STAU1: variants seen among roughly 807,000 people sequenced by gnomAD.
The protein encoded by STAU1 is double-stranded RNA-binding protein Staufen homolog 1.
A neutral mutation model predicts 62.9 loss-of-function variants in STAU1; 13 were observed. The ratio of observed to expected loss-of-function variants is 0.21; its 90% CI spans 0.13 to 0.33. The LOEUF is 0.33. Among genes scored for constraint, STAU1 ranks in the 10% least tolerant of loss-of-function variants. STAU1 has a pLI of 1.00. For missense variants in STAU1, 571 were observed against 712.1 expected, an observed-to-expected ratio of 0.80 and a Z score of 2.25; for synonymous variants, 269 against 265.1, an observed-to-expected ratio of 1.01 and a Z score of -0.14.
the STAU1 span, among the ~76,000 whole-genome samples, chr20:49,204,646 A>ATTT: frequency 3.1e-4 from 10 of 32,166 alleles, no homozygotes; most frequent in Non-Finnish European, 4.1e-4. Flanking sequence ...ATATATATAT[A>ATTT]TTTTTTTTTT....
chr20:49,118,554 C>A, intron 9 of STAU1, 146 bp from the exon 10 acceptor site: 1 of 647,638 alleles, frequency 1.5e-6, no homozygotes, highest in Non-Finnish European at 2.7e-6. Context: ...TGACCACTGG[C>A]ACCCTGACAG....
At chr20:49,161,794 GC>G (rs1362860177) in intron 3 of STAU1, among the ~76,000 whole-genome samples, 1 of 152,190 alleles carries the variant, frequency 6.6e-6, no homozygotes, top group East Asian at 1.9e-4. Flanking sequence ...ACAAATGTAG[GC>G]AGCCATGATA....
chr20:49,165,877 G>T, intron 3 of STAU1, 120 bp downstream of exon 3: 2 of 970,848 alleles, frequency 2.1e-6, no homozygotes, highest in Non-Finnish European at 3.2e-6. Flanking sequence ...TGTGGGTGGT[G>T]ATACTTTCTT....
chr20:49,131,189 A>C (rs1018681705), intron 6 of STAU1, among the ~76,000 whole-genome samples: 1 of 152,254 alleles, frequency 6.6e-6, no homozygotes, highest in Admixed American at 6.5e-5. Flanking sequence ...CAATGTCATG[A>C]AACACAGAGA....
At chr20:49,195,564 T>C in the STAU1 span, among the ~76,000 whole-genome samples, 1 of 56,264 alleles carries the variant, frequency 1.8e-5, no homozygotes, top group Non-Finnish European at 3.4e-5. Flanking sequence ...AAAAAAAAGA[T>C]AGCAACAGAC....
At chr20:49,128,236 G>C (rs2145937782) in intron 6 of STAU1, among the ~76,000 whole-genome samples, 1 of 152,240 alleles carries the variant, frequency 6.6e-6, no homozygotes, top group East Asian at 1.9e-4. Context: ...TGAGACAGCA[G>C]GATCACTTGA....
chr20:49,167,406 A>C (rs971092074), intron 2 of STAU1, among the ~76,000 whole-genome samples: 1 of 152,226 alleles, frequency 6.6e-6, no homozygotes, highest in Non-Finnish European at 1.5e-5. Context: ...GACCAGAGCA[A>C]TTAAGCTACT....
At chr20:49,208,630 T>G in the STAU1 span, among the ~76,000 whole-genome samples, 1 of 151,726 alleles carries the variant, frequency 6.6e-6, no homozygotes, top group South Asian at 2.1e-4. Context: ...GTCTTTTTTT[T>G]TTTTTTTGAG....
the STAU1 span, among the ~76,000 whole-genome samples, chr20:49,215,140 A>C: frequency 6.6e-6 from 1 of 152,178 alleles, no homozygotes; most frequent in African/African-American, 2.4e-5. Context: ...TGAGAGTGAC[A>C]GCCACTCCAT....
chr20:49,180,327 T>C (rs982879482), intron 1 of STAU1, among the ~76,000 whole-genome samples: 24 of 99,082 alleles, frequency 2.4e-4, no homozygotes, highest in African/African-American at 1.3e-3. Flanking sequence ...TTCTTTTTTT[T>C]TTTTTCCCCC....
chr20:49,126,588 C>CAAAAAAAAAAAAA, intron 6 of STAU1, among the ~76,000 whole-genome samples: 6 of 56,366 alleles, frequency 1.1e-4, no homozygotes, highest in Admixed American at 1.8e-4. Context: ...AAAAAAAAAA[C>CAAAAAAAAAAAAA]AAAAAAAAAA....
chr20:49,163,882 A>G (rs1426915693), intron 3 of STAU1, among the ~76,000 whole-genome samples: 2 of 152,006 alleles, frequency 1.3e-5, no homozygotes, highest in African/African-American at 4.8e-5. Flanking sequence ...CTCCTGCCTC[A>G]GCCTCCCAAG....
At chr20:49,176,191 T>C (rs142721483) in intron 1 of STAU1, among the ~76,000 whole-genome samples, 8 of 152,234 alleles carry the variant, frequency 5.3e-5, no homozygotes, top group Admixed American at 3.3e-4. Flanking sequence ...CCTACCACTT[T>C]ATTCGTAAAT....
At chr20:49,200,426 G>A in the STAU1 span, among the ~76,000 whole-genome samples, 79 of 152,022 alleles carry the variant, frequency 5.2e-4, 1 homozygote, top group Non-Finnish European at 3.2e-4. Context: ...GTGAAACACC[G>A]TCTCTACTAA....
At chr20:49,118,509 A>G in intron 9 of STAU1, 101 bp from the exon 10 acceptor site, 1 of 928,368 alleles carries the variant, frequency 1.1e-6, no homozygotes, top group Non-Finnish European at 1.6e-6. Context: ...AGTCAGCAAT[A>G]ACTGTGGCAA....
chr20:49,160,549 A>T (rs924146042), intron 3 of STAU1, among the ~76,000 whole-genome samples: 4 of 152,256 alleles, frequency 2.6e-5, no homozygotes, highest in African/African-American at 7.2e-5. Flanking sequence ...ATTAAGTTCC[A>T]GAATGTGCTG....
chr20:49,143,996 C>T (rs1182284477), intron 5 of STAU1, among the ~76,000 whole-genome samples: 4 of 152,194 alleles, frequency 2.6e-5, no homozygotes, highest in African/African-American at 9.6e-5. Context: ...TCAGATTCTT[C>T]GTGTACTGGC....
At chr20:49,188,972 G>A (rs1266564711), upstream of STAU1, among the ~76,000 whole-genome samples, 4 of 151,966 alleles carry the variant, frequency 2.6e-5, no homozygotes, top group East Asian at 5.8e-4. Context: ...AGGCCGAGGC[G>A]GGCGGATCAC....
the STAU1 span, among the ~76,000 whole-genome samples, chr20:49,214,760 T>A: frequency 1.3e-5 from 2 of 152,194 alleles, no homozygotes; most frequent in African/African-American, 4.8e-5. Flanking sequence ...TCTTGCTTTT[T>A]CTCTGACTCC....
Sources: allele counts gnomAD v4.1 joint callset (sites outside exome capture counted in the v4.1 genomes callset), GRCh38; gene constraint gnomAD v4.1.1; transcripts MANE v1.5; gene names NCBI Gene and HGNC (gene_info 2026-07-23, HGNC 2026-07-21).